The following BRINP2 variants were observed in gnomAD, a reference collection of about 807,000 sequenced individuals.
BRINP2 encodes BMP/retinoic acid inducible neural specific 2.
A neutral mutation model predicts 69.2 loss-of-function variants in BRINP2; 21 were observed. That is an observed-to-expected ratio of 0.30 (90% confidence interval 0.22 to 0.44). The LOEUF (loss-of-function observed/expected upper bound fraction) is 0.44. Among genes scored for constraint, BRINP2 ranks in the 20% least tolerant of loss-of-function variants. The probability of loss-of-function intolerance (pLI) is 1.00; values close to 1 mark genes in which losing one functional copy is unlikely to be tolerated. For synonymous variants in BRINP2, 380 were observed against 394.1 expected, an observed-to-expected ratio of 0.96 and a Z score of 0.42; for missense variants, 877 against 986.0, an observed-to-expected ratio of 0.89 and a Z score of 1.48.
chr1:177,273,660 A>C, intron 5 of BRINP2, 67 bp downstream of exon 5: 1 of 1,001,272 alleles, frequency 1.0e-6, no homozygotes, highest in Non-Finnish European at 1.4e-6. Flanking sequence ...TCCTAGATCA[A>C]ATAGCGGGAA....
intron 7 of BRINP2, 116 bp downstream of exon 7, chr1:177,278,901 C>T: frequency 1.0e-6 from 1 of 960,160 alleles, no homozygotes; most frequent in East Asian, 2.6e-5. Context: ...TCACACATAG[C>T]CTTCCAGTTA....
rs541885706 is a variant in BRINP2, at chr1:177,276,725, G to A, written c.1012+291G>A. On this transcript the variant is annotated intron_variant, in intron 6 of 7. Coordinates refer to ENST00000361539, the MANE Select transcript of BRINP2 (RefSeq NM_021165.4). ...GACCTTGTTTGTCTTTTTTGCTACT[G>A]CTTCCACAGTGCCTAGAGCAATGCT... Among the ~76,000 whole-genome samples the A allele has an allele frequency of 8.5e-5, 13 of 152,256 alleles. No homozygotes were observed. The South Asian group carries it at 2.7e-3, about 32-fold the overall frequency.
intron 1 of BRINP2, among the ~76,000 whole-genome samples, chr1:177,174,985 G>C (rs767471861): frequency 2.0e-5 from 3 of 152,112 alleles, no homozygotes; most frequent in Non-Finnish European, 4.4e-5. Context: ...AGGATATTGG[G>C]GGTAAGCAAG....
rs553028004 is a variant in BRINP2 at position 177,277,667 on chromosome 1, G to A, written c.1013-896G>A. On this transcript the variant is annotated intron_variant, in intron 6 of 7. Coordinates refer to ENST00000361539, the MANE Select transcript of BRINP2 (RefSeq NM_021165.4). ...AGTCCTGGACAAGGCATTCGGTAGCGAAGGAGAATATCACATTCCAGTCCC... is the reference window on the plus strand; with the variant it reads ...AGTCCTGGACAAGGCATTCGGTAGCAAAGGAGAATATCACATTCCAGTCCC... Among the ~76,000 whole-genome samples, 67 of 152,148 alleles carry A rather than the reference G, an allele frequency of 4.4e-4. No individual in the cohort carries two copies. The South Asian group carries it at 6.0e-3, about 14-fold the overall frequency.
At chr1:177,192,008 A>T (rs916325580) in intron 1 of BRINP2, among the ~76,000 whole-genome samples, 2 of 152,244 alleles carry the variant, frequency 1.3e-5, no homozygotes, top group African/African-American at 4.8e-5. Context: ...AAAGAATACA[A>T]TGAAAGACCA....
chr1:177,255,078 AT>A (rs1397415831), intron 2 of BRINP2, among the ~76,000 whole-genome samples: 1 of 152,216 alleles, frequency 6.6e-6, no homozygotes, highest in Non-Finnish European at 1.5e-5. Flanking sequence ...CAGATTCCAT[AT>A]TGTAACTAAC....
chr1:177,255,609 C>A (rs1237300015), intron 2 of BRINP2, among the ~76,000 whole-genome samples: 4 of 152,210 alleles, frequency 2.6e-5, no homozygotes, highest in Non-Finnish European at 5.9e-5. Context: ...TTTGTTTTTT[C>A]TACTACTCAA....
At position 177,175,046 on chromosome 1, in the gene BRINP2, C is replaced by G. The variant is rs552878822; in HGVS notation, c.-77+3314C>G. Among the ~76,000 whole-genome samples the G allele has an allele frequency of 2.2e-4, 33 of 152,364 alleles. 1 individual carries two copies. In the South Asian group the frequency reaches 6.4e-3, roughly 30 times the overall value. ...ACTTCTCATATTTTACAATCAGAAT[C>G]TCCTAAGAGAGAGCCTTGATTTTCC... is the stretch of plus-strand genomic sequence containing the variant. On this transcript the variant is annotated intron_variant, in intron 1 of 7. Coordinates refer to ENST00000361539, the MANE Select transcript of BRINP2 (RefSeq NM_021165.4).
At position 177,278,770 on chromosome 1, in the gene BRINP2, G is replaced by T; in HGVS notation, c.1220G>T (p.Arg407Leu). The change falls in exon 7 of 8, where the codon CGC becomes CTC. Residue 407 changes from arginine to leucine, a missense_variant. Physicochemically the swap from Arg to Leu is moderately radical, Grantham distance 102. Transcript: ENST00000361539. ...CKRCHRQPRFRLPKERSLSYW... is the reference protein window; with the variant it reads ...CKRCHRQPRFLLPKERSLSYW... ...CGCTGCCATCGCCAGCCTCGCTTCC[G>T]CCTGCCCAAGGAGAGGTGAGCACCC... 1 of 1,613,944 alleles carries T rather than the reference G, an allele frequency of 6.2e-7. No homozygotes were observed.
At chr1:177,279,008 T>G (rs1039850099) in intron 7 of BRINP2, among the ~76,000 whole-genome samples, 1 of 152,254 alleles carries the variant, frequency 6.6e-6, no homozygotes, top group African/African-American at 2.4e-5. Flanking sequence ...ATCTAAATTA[T>G]AGTTGATTCA....
chr1:177,209,572 T>C (rs2294254), intron 1 of BRINP2, among the ~76,000 whole-genome samples: 26,838 of 152,146 alleles, frequency 0.18, 2,844 homozygotes, highest in Middle Eastern at 0.24. Context: ...TGAATGAGTG[T>C]GATGAATTGT....
At position 177,257,255 on chromosome 1, in the gene BRINP2, C is replaced by T. The variant is rs375869275; in HGVS notation, c.540C>T (p.Ile180=). ...KTETTGGASI[I]GGSGNSTAVS... ...AGACAACAGGAGGTGCCTCTATAATCGGGGGCAGTGGGAACAGCACAGCTG... is the reference window on the plus strand; with the variant it reads ...AGACAACAGGAGGTGCCTCTATAATTGGGGGCAGTGGGAACAGCACAGCTG... The change falls in exon 4 of 8, where the codon ATC becomes ATT. Residue 180 remains isoleucine (I), a synonymous_variant. Transcript: ENST00000361539. 8.7e-6 allele frequency: 14 copies of T among 1,613,926 alleles called. No homozygotes were observed. The highest frequency in any genetic ancestry group is 6.6e-5 in the South Asian group (6 of 91,080).
At position 177,178,642 on chromosome 1, in the gene BRINP2, C is replaced by A. The variant is rs182279561; in HGVS notation, c.-77+6910C>A. Among the ~76,000 whole-genome samples, 60 of 152,232 alleles carry A rather than the reference C, an allele frequency of 3.9e-4. 2 individuals are homozygous for A. The East Asian group carries it at 0.011, about 28-fold the overall frequency. On this transcript the variant is annotated intron_variant, in intron 1 of 7. Transcript: ENST00000361539. ...ACATCTTGTTCAAATTCTGTTTTTGCTCTGTACTCACCACACCATTCTGAC... is the reference window on the plus strand; with the variant it reads ...ACATCTTGTTCAAATTCTGTTTTTGATCTGTACTCACCACACCATTCTGAC...
chr1:177,273,723 C>A (rs1029074327), intron 5 of BRINP2, 130 bp downstream of exon 5: 1 of 567,846 alleles, frequency 1.8e-6, no homozygotes, highest in Non-Finnish European at 3.1e-6. Context: ...AGAACTACCA[C>A]AAGTTCTGGA....
intron 2 of BRINP2, among the ~76,000 whole-genome samples, chr1:177,232,869 T>A (rs1360569379): frequency 6.6e-6 from 1 of 152,172 alleles, no homozygotes; most frequent in Non-Finnish European, 1.5e-5. Context: ...GTTTCACCCT[T>A]TAAGGAAGCT....
rs1650769394 is a variant in BRINP2 at position 177,256,641 on chromosome 1, G to A, written c.460+532G>A. 8 of 1,032,542 alleles carry A rather than the reference G, an allele frequency of 7.7e-6. No homozygotes were observed. In the East Asian group the frequency reaches 5.8e-4, roughly 75 times the overall value. The allele number at this position is 1,032,542 out of a possible 1,614,324, so 64.0% of individuals were successfully genotyped here. ...GACCCAGGGCAGGATCAAAATCTCT[G>A]AAGATGCAGAGCTCCCTCTGCCCTG... On this transcript the variant is annotated intron_variant, in intron 3 of 7. Coordinates refer to ENST00000361539, the MANE Select transcript of BRINP2 (RefSeq NM_021165.4).
chr1:177,275,099 A>C (rs994962932), intron 5 of BRINP2: 18 of 456,106 alleles, frequency 3.9e-5, no homozygotes, highest in Non-Finnish European at 6.6e-5. Context: ...CAGTGTCGCT[A>C]CTGGGGAGCC....
chr1:177,223,623 G>T (rs754809614), intron 1 of BRINP2, among the ~76,000 whole-genome samples: 5 of 152,114 alleles, frequency 3.3e-5, no homozygotes, highest in Admixed American at 6.5e-5. Flanking sequence ...GGTCTCTTTG[G>T]CTCTCTTGGC....
intron 2 of BRINP2, among the ~76,000 whole-genome samples, chr1:177,255,599 T>G (rs953137185): frequency 2.0e-5 from 3 of 152,214 alleles, no homozygotes; most frequent in Admixed American, 2.0e-4. Context: ...TGTTCCAATG[T>G]TTGTTTTTTC....
Sources: gnomAD v4.1 joint callset for allele counts (sites outside exome capture counted in the v4.1 genomes callset) on GRCh38, gnomAD v4.1.1 for gene constraint, MANE v1.5 for transcripts, NCBI Gene and HGNC (gene_info 2026-07-23, HGNC 2026-07-21) for gene names.